Variants in CD8B observed in about 807,000 individuals in gnomAD.
CD8B encodes the protein T-cell surface glycoprotein CD8 beta chain.
A neutral mutation model predicts 24.2 loss-of-function variants in CD8B; 6 were observed. The ratio of observed to expected loss-of-function variants is 0.25; its 90% CI spans 0.14 to 0.49. The LOEUF is 0.49. CD8B is among the 20% of genes least tolerant of loss of function. The pLI, the probability that CD8B is intolerant of heterozygous loss-of-function variation, is 0.98. For synonymous variants in CD8B, 84 were observed against 108.3 expected (o/e 0.78, Z 1.39); for missense variants, 196 against 271.3 (o/e 0.72, Z 1.95).
chr2:86,828,411 T>A (rs191978584), intron 5 of CD8B, among the ~76,000 whole-genome samples: 18 of 152,190 alleles, frequency 1.2e-4, no homozygotes, highest in African/African-American at 4.3e-4. Context: ...TTTTGGAAAA[T>A]TTTAATTTTT....
intron 5 of CD8B, among the ~76,000 whole-genome samples, chr2:86,843,821 C>T (rs1573511919): frequency 6.6e-6 from 1 of 152,094 alleles, no homozygotes; most frequent in Non-Finnish European, 1.5e-5. Context: ...ACGAGAAATC[C>T]GAGACTTGGA....
At chr2:86,860,249 G>C (rs1472849530) in intron 1 of CD8B, among the ~76,000 whole-genome samples, 1 of 152,200 alleles carries the variant, frequency 6.6e-6, no homozygotes, top group Non-Finnish European at 1.5e-5. Flanking sequence ...CAGCCTGGGC[G>C]ACAGAGCAAG....
chr2:86,817,477 A>T (rs1674298726), intron 5 of CD8B, among the ~76,000 whole-genome samples: 2 of 152,252 alleles, frequency 1.3e-5, no homozygotes, highest in African/African-American at 4.8e-5. Context: ...AGGCATCAAC[A>T]CAGGTAAATC....
chr2:86,851,761 G>A (rs1005871621), intron 3 of CD8B, among the ~76,000 whole-genome samples: 2 of 152,182 alleles, frequency 1.3e-5, no homozygotes, highest in Non-Finnish European at 2.9e-5. Flanking sequence ...GCTGGGCTGA[G>A]GTCAGTATTT....
intron 5 of CD8B, among the ~76,000 whole-genome samples, chr2:86,819,597 C>A (rs991211029): frequency 2.0e-5 from 3 of 152,188 alleles, no homozygotes; most frequent in Non-Finnish European, 4.4e-5. Context: ...TTGAGACTCG[C>A]TCAGGAAAAA....
At chr2:86,844,146 T>TTTGC (rs1675560202) in intron 5 of CD8B, among the ~76,000 whole-genome samples, 1 of 152,052 alleles carries the variant, frequency 6.6e-6, no homozygotes, top group Non-Finnish European at 1.5e-5. Flanking sequence ...GTCACTGCCC[T>TTTGC]ACCAGGGCAA....
At position 86,858,173 on chromosome 2, in the gene CD8B, G is replaced by A. The variant is rs1310724979; in HGVS notation, c.287C>T (p.Ala96Val). ...EQEKIAVFRD[A>V]SRFILNLTSV... The stretch of plus-strand genomic sequence containing the variant: ...TGTGAGATTGAGAATGAACCGGCTT[G>A]CATCCCGAAACACAGCTATCTTCTC... Residue 96 changes from alanine to valine, a missense_variant, in exon 2 of 6, where the codon GCA (alanine) becomes GTA (valine). Coordinates refer to ENST00000390655, the MANE Select transcript of CD8B (RefSeq NM_004931.5). 1.2e-6 allele frequency: 2 copies of A among 1,613,908 alleles called. No individual in the cohort carries two copies. The highest frequency in any genetic ancestry group is 2.7e-5 in the African/African-American group (2 of 74,938).
At chr2:86,821,401 G>A (rs954082258) in intron 5 of CD8B, among the ~76,000 whole-genome samples, 2 of 152,172 alleles carry the variant, frequency 1.3e-5, no homozygotes, top group Admixed American at 6.5e-5. Context: ...GAAAAAGAAC[G>A]CACAACTCCC....
intron 5 of CD8B, among the ~76,000 whole-genome samples, chr2:86,829,095 C>CTTATTTT (rs1674804725): frequency 1.2e-5 from 1 of 82,992 alleles, no homozygotes; most frequent in Non-Finnish European, 2.2e-5. Context: ...ATGCTCTTTA[C>CTTATTTT]TTTTTTTTTT....
In CD8B at chr2:86,841,326, C is replaced by T. The variant is rs1464261240; in HGVS notation, c.*981G>A. 1.3e-5 allele frequency among the ~76,000 whole-genome samples: 2 copies of T among 148,446 alleles called. No individual in the cohort carries two copies. Among genetic ancestry groups the T allele is most frequent in the African/African-American group, 5.0e-5 (2 of 40,022 alleles). Reference sequence around the variant, plus strand: ...AGCCAGGGATCCCTGCGGTTCAACCCGCGGTAGAAATGAACACGTGCTAGT... The same window carrying T: ...AGCCAGGGATCCCTGCGGTTCAACCTGCGGTAGAAATGAACACGTGCTAGT... On this transcript the variant is annotated 3_prime_UTR_variant, in exon 6 of 6. Transcript: ENST00000390655.
intron 5 of CD8B, chr2:86,822,450 A>G: frequency 1.1e-6 from 1 of 902,348 alleles, no homozygotes; most frequent in Admixed American, 2.1e-5. Flanking sequence ...AGCAATATTT[A>G]AGTAAACAAT....
downstream of CD8B, among the ~76,000 whole-genome samples, chr2:86,834,658 C>T (rs1030879781): frequency 3.2e-4 from 48 of 152,176 alleles, no homozygotes; most frequent in African/African-American, 9.4e-4. Context: ...CGTTCCAGGC[C>T]GGGCACAGTG....
At chr2:86,821,836 A>C (rs1573486673) in intron 5 of CD8B, 2 of 318,280 alleles carry the variant, frequency 6.3e-6, no homozygotes, top group South Asian at 2.3e-5. Flanking sequence ...TGCTTCCTCC[A>C]CCCTTCTCTT....
In CD8B at chr2:86,839,527, G is replaced by A. The variant is rs905863519; in HGVS notation, c.*2780C>T. On this transcript the variant is annotated 3_prime_UTR_variant, in exon 6 of 6. Transcript: ENST00000390655. Reference sequence around the variant, plus strand: ...AGCTCAGCTCCTTCTTCAAACAAAGGTCAGGTGCTGGGTGCAGACCTTCTC... The same window carrying A: ...AGCTCAGCTCCTTCTTCAAACAAAGATCAGGTGCTGGGTGCAGACCTTCTC... Among the ~76,000 whole-genome samples the A allele has an allele frequency of 6.6e-6, 1 of 152,192 alleles. No individual in the cohort carries two copies. The highest frequency in any genetic ancestry group is 2.4e-5 in the African/African-American group (1 of 41,446).
At chr2:86,851,254 G>A (rs984161123) in intron 3 of CD8B, among the ~76,000 whole-genome samples, 3 of 152,120 alleles carry the variant, frequency 2.0e-5, no homozygotes, top group Non-Finnish European at 4.4e-5. Context: ...CTAGGATGAA[G>A]GTTTCTTCTT....
downstream of CD8B, among the ~76,000 whole-genome samples, chr2:86,838,053 A>T (rs901426453): frequency 2.0e-5 from 3 of 152,176 alleles, no homozygotes; most frequent in Admixed American, 2.0e-4. Flanking sequence ...GCCACCTCGG[A>T]CCTGCCTCAC....
intron 5 of CD8B, chr2:86,832,948 TCCTCC>T (rs775033398): frequency 0.058 from 5,987 of 102,676 alleles, 136 homozygotes; most frequent in African/African-American, 0.11. Context: ...TCCTCCCCTC[TCCTCC>T]CCTCCCCTCT....
chr2:86,816,524 A>G (rs1278528484), intron 5 of CD8B, among the ~76,000 whole-genome samples: 1 of 152,234 alleles, frequency 6.6e-6, no homozygotes, highest in East Asian at 1.9e-4. Context: ...CATGATTTAT[A>G]AACTCTAGTA....
chr2:86,852,980 A>C lies in CD8B; in HGVS notation c.493+17T>G. 1 of 1,501,094 alleles carries C rather than the reference A, an allele frequency of 6.7e-7. No homozygotes were observed. Among genetic ancestry groups the C allele is most frequent in the Non-Finnish European group, 9.0e-7 (1 of 1,112,344 alleles). The allele number at this position is 1,501,094 out of a possible 1,614,324, so 93.0% of individuals were successfully genotyped here. ...GTCTGCCTTGTTTCTGAGGGTGCAG[A>C]GGGATAGGGAACTCACCCTTCTGGG... On this transcript the variant is annotated intron_variant, in intron 3 of 5. Coordinates refer to ENST00000390655, the MANE Select transcript of CD8B (RefSeq NM_004931.5).
Sources: allele counts gnomAD v4.1 joint callset (sites outside exome capture counted in the v4.1 genomes callset), GRCh38; gene constraint gnomAD v4.1.1; transcripts MANE v1.5; gene names NCBI Gene and HGNC (gene_info 2026-07-23, HGNC 2026-07-21).